The following ANO10 variants were observed in gnomAD, a reference collection of about 807,000 sequenced individuals.
ANO10 encodes the protein anoctamin 10.
Under a neutral mutation model 74.7 loss-of-function variants are expected in ANO10, and 77 were observed. That is an observed-to-expected ratio of 1.03 (90% CI 0.86 to 1.25). The LOEUF (loss-of-function observed/expected upper bound fraction) is 1.25. ANO10 is among the 50% of genes most tolerant of loss of function. The probability of loss-of-function intolerance (pLI) is 0.00; values close to 1 mark genes in which losing one functional copy is unlikely to be tolerated. For synonymous variants in ANO10, 279 were observed against 284.9 expected, an observed-to-expected ratio of 0.98 and a Z score of 0.21; for missense variants, 721 against 778.1, an observed-to-expected ratio of 0.93 and a Z score of 0.87.
intron 10 of ANO10, among the ~76,000 whole-genome samples, chr3:43,552,697 G>GATAT (rs57438732): frequency 1.9e-3 from 238 of 124,460 alleles, no homozygotes; most frequent in Non-Finnish European, 2.7e-3. Flanking sequence ...ATTATCTCTG[G>GATAT]ATATATATAT....
intron 11 of ANO10, among the ~76,000 whole-genome samples, chr3:43,442,151 TTTC>T (rs1366408983): frequency 1.3e-5 from 2 of 152,074 alleles, no homozygotes; most frequent in Non-Finnish European, 2.9e-5. Flanking sequence ...AGTCCAGTAC[TTTC>T]TTAATTGCCA....
chr3:43,406,538 T>C (rs1042043733), intron 12 of ANO10, among the ~76,000 whole-genome samples: 2 of 145,202 alleles, frequency 1.4e-5, no homozygotes, highest in African/African-American at 5.7e-5. Context: ...CATGGAGAAC[T>C]GCCTTCTGTA....
At chr3:43,453,201 C>T (rs1469190294) in intron 11 of ANO10, among the ~76,000 whole-genome samples, 21 of 136,342 alleles carry the variant, frequency 1.5e-4, no homozygotes, top group Admixed American at 6.2e-4. Flanking sequence ...TTTTTTGAGA[C>T]GGAGTCTCGC....
chr3:43,387,689 G>C (rs1304632792), intron 12 of ANO10, among the ~76,000 whole-genome samples: 3 of 152,208 alleles, frequency 2.0e-5, no homozygotes, highest in African/African-American at 7.2e-5. Context: ...AGGATCAACA[G>C]AGGTGTCAAC....
chr3:43,581,701 C>T (rs2081267659), intron 4 of ANO10, among the ~76,000 whole-genome samples: 1 of 151,982 alleles, frequency 6.6e-6, no homozygotes, highest in South Asian at 2.1e-4. Context: ...CGGAGTATTG[C>T]TTGAGGTCAG....
intron 11 of ANO10, among the ~76,000 whole-genome samples, chr3:43,449,515 C>CTTTTTTT (rs61265406): frequency 0.015 from 1,639 of 105,940 alleles, 1 homozygote; most frequent in Middle Eastern, 0.02. Context: ...TATCTAGATT[C>CTTTTTTT]TTTTTTTTTT....
chr3:43,560,447 T>C (rs541743109), intron 9 of ANO10, among the ~76,000 whole-genome samples: 1 of 152,226 alleles, frequency 6.6e-6, no homozygotes, highest in Admixed American at 6.5e-5. Flanking sequence ...GGAGATAAAC[T>C]CATTCAAGAT....
chr3:43,605,767 T>C lies in ANO10; in HGVS notation c.86A>G (p.Glu29Gly), dbSNP rs147056478. The C allele has an allele frequency of 4.8e-5, 78 of 1,613,884 alleles. No individual in the cohort carries two copies. In the African/African-American group the frequency reaches 8.5e-4, roughly 18 times the overall value. The change falls in exon 2 of 13, where the codon GAA becomes GGA. Residue 29 changes from glutamate to glycine, a missense_variant. Physicochemically the swap from Glu to Gly is moderately conservative, Grantham distance 98 (BLOSUM62 -2). Coordinates refer to ENST00000292246, the MANE Select transcript of ANO10 (RefSeq NM_018075.5). ...GTTTTTCAGCCATTCTTTGGTTTCT[T>C]CTTTGACATCCTGAGCAAGTTCTAT... ...VVIELAQDVK[E>G]ETKEWLKNRI... is the part of the protein sequence containing the mutation.
chr3:43,580,054 AG>A (rs1327723262), intron 5 of ANO10, among the ~76,000 whole-genome samples: 1 of 149,830 alleles, frequency 6.7e-6, no homozygotes, highest in African/African-American at 2.4e-5. Flanking sequence ...CTGAGATGGG[AG>A]GATTGATTAA....
intron 3 of ANO10, among the ~76,000 whole-genome samples, chr3:43,600,134 C>T (rs975711524): frequency 5.9e-5 from 9 of 152,206 alleles, no homozygotes; most frequent in Admixed American, 1.3e-4. Flanking sequence ...ATCCAGCCTG[C>T]CACATGGTTT....
intron 1 of ANO10, among the ~76,000 whole-genome samples, chr3:43,634,110 G>C (rs543245120): frequency 9.3e-4 from 140 of 151,100 alleles, no homozygotes; most frequent in African/African-American, 3.1e-3. Flanking sequence ...TTACTCAGAA[G>C]ATGGGCAGAC....
Position 43,572,970 on chromosome 3 carries a change from G to A in ANO10, c.1218+1839C>T, listed in dbSNP as rs117093683. On this transcript the variant is annotated intron_variant, in intron 7 of 12. Coordinates refer to ENST00000292246, the MANE Select transcript of ANO10 (RefSeq NM_018075.5). Reference sequence around the variant, plus strand: ...AAGAGAGAGGCCTAAGAAGCACCGTGGAGGAAGAAGACTTTAACCAACGGC... The same window carrying A: ...AAGAGAGAGGCCTAAGAAGCACCGTAGAGGAAGAAGACTTTAACCAACGGC... Among the ~76,000 whole-genome samples the A allele has an allele frequency of 4.4e-4, 66 of 151,536 alleles. No homozygotes were observed. The East Asian group carries it at 9.9e-3, about 23-fold the overall frequency.
chr3:43,447,748 T>G (rs1221681095), intron 11 of ANO10, among the ~76,000 whole-genome samples: 1 of 152,174 alleles, frequency 6.6e-6, no homozygotes, highest in Non-Finnish European at 1.5e-5. Context: ...ACACAGAAAG[T>G]AGAGAGTTGC....
In ANO10 at chr3:43,514,555, A is replaced by T. The variant is rs530465625; in HGVS notation, c.1797+35165T>A. Among the ~76,000 whole-genome samples the T allele has an allele frequency of 5.0e-4, 76 of 152,322 alleles. 1 individual carries two copies. Among genetic ancestry groups the T allele is most frequent in the South Asian group, 1.9e-3 (9 of 4,824 alleles). Reference sequence around the variant, plus strand: ...GAAAATTTCAATACTGTTCTCAAAAATTAATAGAAAAAGTAGACAAAAAAA... The same window carrying T: ...GAAAATTTCAATACTGTTCTCAAAATTTAATAGAAAAAGTAGACAAAAAAA... On this transcript the variant is annotated intron_variant, in intron 11 of 12. Coordinates refer to ENST00000292246, the MANE Select transcript of ANO10 (RefSeq NM_018075.5).
intron 1 of ANO10, among the ~76,000 whole-genome samples, chr3:43,662,150 T>C (rs2083933727): frequency 1.3e-5 from 2 of 152,176 alleles, no homozygotes; most frequent in Admixed American, 1.3e-4. Context: ...GACCACATAA[T>C]TGGAAGTAAA....
chr3:43,549,686 A>G, intron 11 of ANO10, 34 bp downstream of exon 11: 1 of 1,611,940 alleles, frequency 6.2e-7, no homozygotes, highest in Non-Finnish European at 8.5e-7. Flanking sequence ...CGTAATATGG[A>G]TACTGCTTAA....
intron 11 of ANO10, among the ~76,000 whole-genome samples, chr3:43,465,297 C>G (rs1429254709): frequency 6.6e-6 from 1 of 152,156 alleles, no homozygotes; most frequent in Non-Finnish European, 1.5e-5. Flanking sequence ...AGTATTTACA[C>G]AAACCTAGAC....
intron 8 of ANO10, among the ~76,000 whole-genome samples, chr3:43,564,935 A>G (rs2080236867): frequency 6.6e-6 from 1 of 152,202 alleles, no homozygotes; most frequent in Admixed American, 6.5e-5. Flanking sequence ...TCCAACTAAT[A>G]CACTATTACA....
rs551651453 is a variant in ANO10, at chr3:43,432,744, G to A, written c.1798-17C>T. ...GAGTGCGTGCTGAAAACAAGAAAGA[G>A]TACATGTTGATGTGATACATCAGAC... On this transcript the variant is annotated splice_polypyrimidine_tract_variant and intron_variant, in intron 11 of 12. Coordinates refer to ENST00000292246, the MANE Select transcript of ANO10 (RefSeq NM_018075.5). The A allele has an allele frequency of 2.6e-6, 4 of 1,526,872 alleles. No individual in the cohort carries two copies. The East Asian group carries it at 9.0e-5, about 34-fold the overall frequency. The allele number at this position is 1,526,872 out of a possible 1,614,324, so 94.6% of individuals were successfully genotyped here.
Sources: gnomAD v4.1 joint callset for allele counts (sites outside exome capture counted in the v4.1 genomes callset) on GRCh38, gnomAD v4.1.1 for gene constraint, MANE v1.5 for transcripts, NCBI Gene and HGNC (gene_info 2026-07-23, HGNC 2026-07-21) for gene names.